The following NCK2 variants were observed in gnomAD, a reference collection of about 807,000 sequenced individuals.
NCK2 encodes NCK adaptor protein 2, also known as cytoplasmic protein NCK2.
Under a neutral mutation model 33.9 loss-of-function variants are expected in NCK2, and 16 were observed. The observed-to-expected ratio is 0.47, with a 90% CI of 0.32 to 0.72. NCK2 has a LOEUF of 0.72. Among genes scored for constraint, NCK2 ranks in the 30% least tolerant of loss-of-function variants. NCK2 has a pLI of 0.03. For missense variants in NCK2, 418 were observed against 537.3 expected, an observed-to-expected ratio of 0.78 and a Z score of 2.19; for synonymous variants, 273 against 239.9, an observed-to-expected ratio of 1.14 and a Z score of -1.27.
At chr2:105,751,706 C>G (rs977484601) in intron 1 of NCK2, among the ~76,000 whole-genome samples, 1 of 152,224 alleles carries the variant, frequency 6.6e-6, no homozygotes, top group Non-Finnish European at 1.5e-5. Flanking sequence ...TACCCCACTA[C>G]AGCTTTGCAT....
In NCK2 at chr2:105,881,854, C is replaced by T. The variant is rs1215871161; in HGVS notation, c.753C>T (p.Tyr251=). Residue 251 remains tyrosine (Y), a synonymous_variant, in exon 4 of 5, where the codon TAC becomes TAT. Coordinates refer to ENST00000233154, the MANE Select transcript of NCK2 (RefSeq NM_003581.5). ...AGGTGGGCCTCGTCCCCAAAAACTA[C>T]GTGGTGGTCCTCAGTGACGGGCCTG... ...RGQVGLVPKN[Y]VVVLSDGPAL... is the part of the protein sequence containing the mutation. 6 of 1,592,506 alleles carry T rather than the reference C, an allele frequency of 3.8e-6. No homozygotes were observed. Among genetic ancestry groups the T allele is most frequent in the Admixed American group, 1.7e-5 (1 of 58,382 alleles).
intron 3 of NCK2, among the ~76,000 whole-genome samples, chr2:105,870,123 C>T (rs1047006579): frequency 5.9e-5 from 9 of 152,168 alleles, no homozygotes; most frequent in African/African-American, 1.9e-4. Flanking sequence ...GGACTACCTG[C>T]GCATAGAGAT....
intron 1 of NCK2, among the ~76,000 whole-genome samples, chr2:105,773,653 G>T (rs1378845214): frequency 6.6e-6 from 1 of 152,094 alleles, no homozygotes; most frequent in Non-Finnish European, 1.5e-5. Flanking sequence ...CTGGTTTATG[G>T]ATATTTTTTC....
chr2:105,820,486 C>T (rs1675685185), intron 2 of NCK2, among the ~76,000 whole-genome samples: 1 of 152,048 alleles, frequency 6.6e-6, no homozygotes, highest in East Asian at 1.9e-4. Context: ...ACGTCTCAGC[C>T]CATTTCCACG....
chr2:105,799,637 A>G (rs1358729326), intron 1 of NCK2, among the ~76,000 whole-genome samples: 1 of 152,206 alleles, frequency 6.6e-6, no homozygotes, highest in East Asian at 1.9e-4. Flanking sequence ...GAAAAACAAA[A>G]CGGAATACCA....
At chr2:105,879,682 G>A (rs1678391429) in intron 3 of NCK2, among the ~76,000 whole-genome samples, 1 of 152,262 alleles carries the variant, frequency 6.6e-6, no homozygotes, top group Non-Finnish European at 1.5e-5. Context: ...GTGGGCACAT[G>A]TCCCAGGGTA....
At chr2:105,761,188 G>A (rs1443811234) in intron 1 of NCK2, among the ~76,000 whole-genome samples, 5 of 152,188 alleles carry the variant, frequency 3.3e-5, no homozygotes, top group Admixed American at 2.6e-4. Flanking sequence ...GCCCTACCCG[G>A]GTGCTGGGAG....
At chr2:105,844,772 A>G (rs1676791993) in intron 2 of NCK2, among the ~76,000 whole-genome samples, 1 of 143,976 alleles carries the variant, frequency 6.9e-6, no homozygotes. Flanking sequence ...ATATATATGT[A>G]TGTATGTATA....
chr2:105,754,294 C>G (rs909633473), intron 1 of NCK2, among the ~76,000 whole-genome samples: 7 of 152,114 alleles, frequency 4.6e-5, no homozygotes, highest in African/African-American at 1.7e-4. Flanking sequence ...GTGGGGGCAG[C>G]CAGGAAGTGA....
chr2:105,763,054 C>G (rs1031378707), intron 1 of NCK2, among the ~76,000 whole-genome samples: 1 of 152,124 alleles, frequency 6.6e-6, no homozygotes, highest in Non-Finnish European at 1.5e-5. Flanking sequence ...AAGAATTAGC[C>G]AGGCGTGGTG....
intron 2 of NCK2, among the ~76,000 whole-genome samples, chr2:105,846,155 G>A (rs1676848084): frequency 6.6e-6 from 1 of 152,178 alleles, no homozygotes; most frequent in African/African-American, 2.4e-5. Context: ...GAAAGCCAAG[G>A]AAGGTTACAA....
rs778588738 is a variant in NCK2 at position 105,881,439 on chromosome 2, A to G, written c.338A>G (p.Asn113Ser). 17 of 1,613,414 alleles carry G rather than the reference A, an allele frequency of 1.1e-5. No individual in the cohort carries two copies. The highest frequency in any genetic ancestry group is 1.0e-4 in the Admixed American group (6 of 60,014). The change falls in exon 4 of 5, where the codon AAC becomes AGC. Residue 113 changes from asparagine (N) to serine (S), a missense_variant. Physicochemically the swap from Asn to Ser is conservative, Grantham distance 46. Coordinates refer to ENST00000233154, the MANE Select transcript of NCK2 (RefSeq NM_003581.5). ...GSGADRIYDL[N>S]IPAFVKFAYV... ...GGCGCCGACCGCATCTACGACCTCA[A>G]CATCCCGGCCTTCGTCAAGTTCGCC...
At chr2:105,804,029 C>G (rs551345642) in intron 1 of NCK2, among the ~76,000 whole-genome samples, 4 of 152,240 alleles carry the variant, frequency 2.6e-5, no homozygotes, top group African/African-American at 9.6e-5. Flanking sequence ...CTCTGCCATC[C>G]CTCTCCCTCT....
intron 2 of NCK2, among the ~76,000 whole-genome samples, chr2:105,849,508 TCTC>T (rs1189211538): frequency 6.6e-6 from 1 of 152,130 alleles, no homozygotes. Flanking sequence ...CAGTCTGCCT[TCTC>T]CTTCAGCTTC....
chr2:105,875,861 C>G (rs1678215889), intron 3 of NCK2, among the ~76,000 whole-genome samples: 1 of 152,192 alleles, frequency 6.6e-6, no homozygotes. Flanking sequence ...AACTTAAACA[C>G]CGTAATTTTA....
chr2:105,885,053 C>T (rs183835358), intron 4 of NCK2, among the ~76,000 whole-genome samples: 1 of 152,266 alleles, frequency 6.6e-6, no homozygotes, highest in Admixed American at 6.5e-5. Context: ...TGAACAGTAA[C>T]CCTTTACTGG....
At chr2:105,754,858 C>T (rs193192073) in intron 1 of NCK2, among the ~76,000 whole-genome samples, 107 of 151,518 alleles carry the variant, frequency 7.1e-4, no homozygotes, top group Non-Finnish European at 2.1e-4. Flanking sequence ...TTTCATCAAA[C>T]GATTAAAAAA....
chr2:105,847,872 A>T, intron 2 of NCK2, among the ~76,000 whole-genome samples: 1 of 152,186 alleles, frequency 6.6e-6, no homozygotes, highest in Non-Finnish European at 1.5e-5. Context: ...ACAAGCTGAT[A>T]GCATTAGCAT....
intron 1 of NCK2, among the ~76,000 whole-genome samples, chr2:105,747,100 C>T (rs1169782764): frequency 2.0e-5 from 3 of 152,176 alleles, no homozygotes; most frequent in African/African-American, 7.2e-5. Flanking sequence ...AGGTGCCTTG[C>T]AGGTGGCTGT....
Sources: allele counts gnomAD v4.1 joint callset (sites outside exome capture counted in the v4.1 genomes callset), GRCh38; gene constraint gnomAD v4.1.1; transcripts MANE v1.5; gene names NCBI Gene and HGNC (gene_info 2026-07-23, HGNC 2026-07-21).